CATSPERG: variants seen among roughly 807,000 people sequenced by gnomAD.
The protein encoded by CATSPERG is catsper channel auxiliary subunit gamma, also known as cation channel sperm-associated auxiliary subunit gamma.
CATSPERG carries 115 observed loss-of-function variants against 145.0 expected under a neutral mutation model. The observed-to-expected ratio is 0.79, with a 90% confidence interval of 0.68 to 0.93. CATSPERG has a LOEUF of 0.93. Among genes scored for constraint, CATSPERG ranks in the 40% least tolerant of loss-of-function variants. The pLI is 0.00. For missense variants in CATSPERG, 1,296 were observed against 1,490.1 expected, an observed-to-expected ratio of 0.87 and a Z score of 2.14; for synonymous variants, 588 against 589.0, an observed-to-expected ratio of 1.00 and a Z score of 0.02.
chr19:38,368,450 T>G lies in CATSPERG; in HGVS notation c.3020+313T>G, dbSNP rs572707215. On this transcript the variant is annotated intron_variant, in intron 26 of 28. Coordinates refer to ENST00000409235, the MANE Select transcript of CATSPERG (RefSeq NM_021185.5). ...ATCCTGGCCCTGAGCCCCCTACCTG[T>G]GCGTCCCCATCCCAGAGTGGACAGC... Among the ~76,000 whole-genome samples, 3 of 152,328 alleles carry G rather than the reference T, an allele frequency of 2.0e-5. No individual in the cohort carries two copies. The East Asian group carries it at 5.8e-4, about 29-fold the overall frequency.
rs1970517918 is a variant in CATSPERG at position 38,369,969 on chromosome 19, C to A, written c.3021-3C>A. On this transcript the variant is annotated splice_region_variant and splice_polypyrimidine_tract_variant and intron_variant, in intron 26 of 28. Transcript: ENST00000409235. ...GCACAACTGCCTGATCTTTGGCTTG[C>A]AGGTGGCTCTGTCTGGAGAATGCCC... 5 of 1,614,068 alleles carry A rather than the reference C, an allele frequency of 3.1e-6. No individual in the cohort carries two copies. Among genetic ancestry groups the A allele is most frequent in the Non-Finnish European group, 4.2e-6 (5 of 1,179,872 alleles).
chr19:38,364,115 C>T (rs1007141398), intron 20 of CATSPERG, among the ~76,000 whole-genome samples: 2 of 151,508 alleles, frequency 1.3e-5, no homozygotes, highest in Non-Finnish European at 2.9e-5. Flanking sequence ...ACCTCCCTCC[C>T]GGACGGGGCG....
Position 38,343,584 on chromosome 19 carries a change from C to G in CATSPERG, c.329C>G (p.Ser110Cys). 6.5e-7 allele frequency: 1 copy of G among 1,548,194 alleles called. No individual in the cohort carries two copies. The change falls in exon 4 of 29, where the codon TCT becomes TGT. Residue 110 changes from serine to cysteine, a missense_variant. Coordinates refer to ENST00000409235, the MANE Select transcript of CATSPERG (RefSeq NM_021185.5). ...KINYSCEEKP[S>C]EDLVRMGHLT... ...GTGGGGCCATCTCACCCTCAGCCCTCTGAGGACCTGGTGCGCATGGGCCAC... is the reference window on the plus strand; with the variant it reads ...GTGGGGCCATCTCACCCTCAGCCCTGTGAGGACCTGGTGCGCATGGGCCAC...
At chr19:38,341,249 C>T (rs1028217134) in intron 3 of CATSPERG, among the ~76,000 whole-genome samples, 15 of 152,276 alleles carry the variant, frequency 9.9e-5, no homozygotes, top group African/African-American at 3.6e-4. Flanking sequence ...GATCTGATTC[C>T]AGGCTTCACT....
chr19:38,362,404 GGCGAAGC>G lies in CATSPERG; in HGVS notation c.2190_2196del (p.Ser731AlafsTer5). The G allele has an allele frequency of 6.2e-7, 1 of 1,614,174 alleles. No individual in the cohort carries two copies. Among genetic ancestry groups the G allele is most frequent in the Non-Finnish European group, 8.5e-7 (1 of 1,180,034 alleles). On this transcript the variant is annotated frameshift_variant, in exon 19 of 29. Transcript: ENST00000409235. LOFTEE classifies it high-confidence loss of function. ...TACTACTTCTTCTTGGCGAGCAATT[GGCGAAGC>G]GCGGGCGGCGTGTCCATAGAAATGG...
At chr19:38,336,149 A>G (rs1213833300) in intron 1 of CATSPERG, 1 of 454,888 alleles carries the variant, frequency 2.2e-6, no homozygotes, top group Non-Finnish European at 4.4e-6. Context: ...TGGCATGGGA[A>G]GGAAGAGTAA....
intron 11 of CATSPERG, 199 bp from the exon 12 acceptor site, chr19:38,358,079 C>T: frequency 3.4e-6 from 2 of 594,816 alleles, no homozygotes; most frequent in Non-Finnish European, 3.0e-6. Flanking sequence ...GATCACACCA[C>T]TGCACTCCAG....
intron 3 of CATSPERG, among the ~76,000 whole-genome samples, chr19:38,342,220 T>A (rs574236741): frequency 4.5e-4 from 67 of 148,080 alleles, no homozygotes; most frequent in East Asian, 1.2e-3. Context: ...ATGTAAAAAA[T>A]AAATAAATAA....
chr19:38,356,218 T>A (rs1970239987), intron 9 of CATSPERG, among the ~76,000 whole-genome samples: 1 of 152,116 alleles, frequency 6.6e-6, no homozygotes, highest in Admixed American at 6.6e-5. Flanking sequence ...ATCTTTCCCA[T>A]TAATTCTAAC....
chr19:38,359,924 A>G, intron 14 of CATSPERG: 4 of 1,032,362 alleles, frequency 3.9e-6, no homozygotes, highest in Non-Finnish European at 4.7e-6. Context: ...AATATTACCT[A>G]TGGAAGCAGG....
At chr19:38,343,814 A>G in intron 4 of CATSPERG, 90 bp downstream of exon 4, 2 of 1,444,232 alleles carry the variant, frequency 1.4e-6, no homozygotes, top group Non-Finnish European at 1.9e-6. Flanking sequence ...TGAGGAGGGT[A>G]TGTGGGGGGC....
intron 20 of CATSPERG, 39 bp downstream of exon 20, chr19:38,362,871 GTTTTTTTT>G (rs553363428): frequency 7.3e-5 from 33 of 453,678 alleles, no homozygotes; most frequent in Middle Eastern, 6.3e-4. Context: ...GGGAGGTTTT[GTTTTTTTT>G]TTTTTTTTTT....
chr19:38,367,865 C>T, intron 25 of CATSPERG, 89 bp downstream of exon 25: 4 of 1,310,906 alleles, frequency 3.1e-6, no homozygotes, highest in South Asian at 2.5e-5. Flanking sequence ...CGCAAGCCCC[C>T]ACCTCTGCGT....
At chr19:38,343,870 C>G in intron 4 of CATSPERG, 123 bp from the exon 5 acceptor site, 2 of 1,412,502 alleles carry the variant, frequency 1.4e-6, no homozygotes, top group South Asian at 2.6e-5. Context: ...CACAGAGGCC[C>G]CAGTGGGACC....
intron 22 of CATSPERG, chr19:38,366,938 C>G: frequency 1.8e-6 from 1 of 547,846 alleles, no homozygotes; most frequent in East Asian, 3.1e-5. Context: ...AAGTGATCAG[C>G]CCGCCTCGGC....
Position 38,337,214 on chromosome 19 carries a change from T to A in CATSPERG, c.-14-7T>A, listed in dbSNP as rs1969856460. ...GGCGCGTGGGTGTTGACTCCTGCGT[T>A]CTCCAGGTTCTAGCCACGTTATGTG... is the stretch of plus-strand genomic sequence containing the variant. On this transcript the variant is annotated splice_polypyrimidine_tract_variant and splice_region_variant and intron_variant, in intron 1 of 28. Transcript: ENST00000409235. 2 of 1,548,836 alleles carry A rather than the reference T, an allele frequency of 1.3e-6. No homozygotes were observed. The highest frequency in any genetic ancestry group is 1.7e-6 in the Non-Finnish European group (2 of 1,145,626).
chr19:38,338,876 A>G (rs1249389273), intron 3 of CATSPERG, among the ~76,000 whole-genome samples: 1 of 151,754 alleles, frequency 6.6e-6, no homozygotes, highest in Non-Finnish European at 1.5e-5. Flanking sequence ...CTTTGTTTTT[A>G]TTAATTAATT....
intron 7 of CATSPERG, 48 bp downstream of exon 7, chr19:38,346,653 G>C: frequency 3.3e-6 from 5 of 1,505,508 alleles, no homozygotes; most frequent in Non-Finnish European, 4.5e-6. Context: ...GGAGGGAGCT[G>C]GGCCTCAGCC....
At chr19:38,337,741 C>G in intron 3 of CATSPERG, 95 bp downstream of exon 3, 7 of 1,194,454 alleles carry the variant, frequency 5.9e-6, no homozygotes, top group Non-Finnish European at 8.1e-6. Flanking sequence ...TTTTTTGAGA[C>G]GGAGTCTTGC....
Sources: gnomAD v4.1 joint callset for allele counts (sites outside exome capture counted in the v4.1 genomes callset) on GRCh38, gnomAD v4.1.1 for gene constraint, MANE v1.5 for transcripts, NCBI Gene and HGNC (gene_info 2026-07-23, HGNC 2026-07-21) for gene names.